The following ADAM12 variants were observed in gnomAD, a reference collection of about 807,000 sequenced individuals.
ADAM12 encodes ADAM metallopeptidase domain 12.
ADAM12 carries 70 observed loss-of-function variants against 106.4 expected under a neutral mutation model. The ratio of observed to expected loss-of-function variants is 0.66; its 90% CI spans 0.54 to 0.80. The LOEUF is 0.80. Ranked by LOEUF, ADAM12 falls within the 30% of genes least tolerant of loss-of-function variation. The probability of loss-of-function intolerance (pLI) is 0.00; values close to 1 mark genes in which losing one functional copy is unlikely to be tolerated. For missense variants in ADAM12, 1,010 were observed against 1,171.9 expected (o/e 0.86, Z 2.02); for synonymous variants, 420 against 433.5 (o/e 0.97, Z 0.39).
chr10:126,337,230 G>T (rs1303787736), intron 1 of ADAM12, among the ~76,000 whole-genome samples: 2 of 152,188 alleles, frequency 1.3e-5, no homozygotes, highest in African/African-American at 4.8e-5. Context: ...CCTTCAGTCT[G>T]CAGCCAAAGG....
chr10:126,079,999 T>G (rs1257976799), intron 11 of ADAM12, among the ~76,000 whole-genome samples: 1 of 152,190 alleles, frequency 6.6e-6, no homozygotes, highest in Admixed American at 6.5e-5. Context: ...TAAACAAACT[T>G]CATATCAGAA....
intron 11 of ADAM12, among the ~76,000 whole-genome samples, chr10:126,087,927 G>A (rs920916485): frequency 1.4e-4 from 22 of 152,192 alleles, no homozygotes; most frequent in Non-Finnish European, 5.9e-5. Flanking sequence ...GGAATTTTCA[G>A]GGAGCGGTCT....
intron 16 of ADAM12, among the ~76,000 whole-genome samples, chr10:126,048,278 C>A (rs1954379998): frequency 2.0e-5 from 3 of 152,136 alleles, no homozygotes; most frequent in South Asian, 4.2e-4. Flanking sequence ...TGCACATGTA[C>A]CCCTGAACCT....
At position 126,064,569 on chromosome 10, in the gene ADAM12, A is replaced by G; in HGVS notation, c.1609+237T>C. 1 of 467,360 alleles carries G rather than the reference A, an allele frequency of 2.1e-6. No homozygotes were observed. The highest frequency in any genetic ancestry group is 3.8e-6 in the Non-Finnish European group (1 of 262,030). The allele number at this position is 467,360 out of a possible 1,614,324, so 29.0% of individuals were successfully genotyped here. ...TAGGTGCTCCTGCAGCTCCTGTTGG[A>G]CCGCACTGAGCTTCTTAAGGCCAGG... On this transcript the variant is annotated intron_variant, in intron 14 of 22. Transcript: ENST00000448723. The surrounding 1 kb of genome is among the most constrained non-coding windows in gnomAD (Gnocchi z 4.4).
intron 4 of ADAM12, among the ~76,000 whole-genome samples, chr10:126,137,310 C>T (rs1288213462): frequency 1.3e-5 from 2 of 151,988 alleles, no homozygotes; most frequent in East Asian, 3.9e-4. Context: ...GTGCCAATTC[C>T]ACACTGTTCC....
At chr10:126,374,489 T>G (rs1425414939) in intron 1 of ADAM12, among the ~76,000 whole-genome samples, 1 of 152,202 alleles carries the variant, frequency 6.6e-6, no homozygotes, top group Non-Finnish European at 1.5e-5. Flanking sequence ...TTTAAAATAT[T>G]ACATTTTAAG....
At chr10:126,232,855 A>C (rs949558360) in intron 3 of ADAM12, among the ~76,000 whole-genome samples, 2 of 152,196 alleles carry the variant, frequency 1.3e-5, no homozygotes, top group African/African-American at 4.8e-5. Flanking sequence ...AGGAATATTA[A>C]AAATATTTAG....
At chr10:126,052,520 T>TA (rs1954529630) in intron 14 of ADAM12, among the ~76,000 whole-genome samples, 1 of 152,244 alleles carries the variant, frequency 6.6e-6, no homozygotes, top group African/African-American at 2.4e-5. Context: ...TGTCAGTTGA[T>TA]ACATTTGTTT....
rs1048647112 is a variant in ADAM12, at chr10:126,155,959, A to G, written c.261-654T>C. ...GGGAGGAAACCCCGTTTATGCTATT[A>G]ATAAAACTGTATGCAGTCTACCAGA... On this transcript the variant is annotated intron_variant, in intron 3 of 22. Transcript: ENST00000448723. Among the ~76,000 whole-genome samples, 9 of 142,702 alleles carry G rather than the reference A, an allele frequency of 6.3e-5. 1 individual carries two copies. The highest frequency in any genetic ancestry group is 1.4e-4 in the Admixed American group (2 of 14,062). The allele number at this position is 142,702 out of a possible 152,430, so 93.6% of individuals were successfully genotyped here.
intron 3 of ADAM12, among the ~76,000 whole-genome samples, chr10:126,161,075 C>A (rs779749315): frequency 8.6e-5 from 13 of 151,770 alleles, no homozygotes; most frequent in Non-Finnish European, 1.5e-4. Flanking sequence ...GGTTTTCTGC[C>A]TGGTATTCCT....
At chr10:126,339,100 C>T (rs989191152) in intron 1 of ADAM12, among the ~76,000 whole-genome samples, 10 of 152,186 alleles carry the variant, frequency 6.6e-5, no homozygotes, top group African/African-American at 2.4e-4. Flanking sequence ...GCCTCCTCCA[C>T]TTGAACATTC....
At chr10:126,139,199 T>C (rs1221559783) in intron 4 of ADAM12, among the ~76,000 whole-genome samples, 3 of 152,194 alleles carry the variant, frequency 2.0e-5, no homozygotes, top group Non-Finnish European at 4.4e-5. Flanking sequence ...CGCTTGCCTA[T>C]TCATGTACAT....
At chr10:126,047,545 GA>G (rs1411034820) in intron 16 of ADAM12, among the ~76,000 whole-genome samples, 5 of 152,106 alleles carry the variant, frequency 3.3e-5, no homozygotes, top group Non-Finnish European at 7.4e-5. Flanking sequence ...TGAGCCCTTG[GA>G]ATTGGAATGT....
At chr10:126,218,466 C>A (rs989180871) in intron 3 of ADAM12, among the ~76,000 whole-genome samples, 2 of 152,186 alleles carry the variant, frequency 1.3e-5, no homozygotes, top group Non-Finnish European at 2.9e-5. Flanking sequence ...ATTGACTTTT[C>A]TGGGCAGACT....
intron 3 of ADAM12, among the ~76,000 whole-genome samples, chr10:126,217,734 A>G (rs571984808): frequency 4.6e-5 from 2 of 43,270 alleles, no homozygotes; most frequent in South Asian, 3.5e-3. Flanking sequence ...GCACTTTGGG[A>G]GGCCAAGGCA....
chr10:126,051,928 G>T (rs1164194930), intron 14 of ADAM12, among the ~76,000 whole-genome samples: 1 of 152,138 alleles, frequency 6.6e-6, no homozygotes, highest in East Asian at 1.9e-4. Flanking sequence ...AAGGCAGGCT[G>T]GTCAAGGAAG....
At chr10:126,126,463 C>A (rs545259887) in intron 5 of ADAM12, among the ~76,000 whole-genome samples, 1 of 152,074 alleles carries the variant, frequency 6.6e-6, no homozygotes, top group East Asian at 1.9e-4. Context: ...TTTTTTAGAA[C>A]CAGCATTGCA....
intron 3 of ADAM12, among the ~76,000 whole-genome samples, chr10:126,269,008 C>T (rs576545410): frequency 1.6e-4 from 25 of 152,076 alleles, no homozygotes; most frequent in East Asian, 5.8e-4. Flanking sequence ...CCCCGAGAAC[C>T]GCTGGTTATC....
chr10:126,370,804 A>C (rs1318255158), intron 1 of ADAM12, among the ~76,000 whole-genome samples: 1 of 152,198 alleles, frequency 6.6e-6, no homozygotes, highest in Non-Finnish European at 1.5e-5. Flanking sequence ...TCAACTGCCT[A>C]GTTCAATCCT....
Sources: allele counts gnomAD v4.1 joint callset (sites outside exome capture counted in the v4.1 genomes callset), GRCh38; gene constraint gnomAD v4.1.1; non-coding constraint Gnocchi (gnomAD v3.1); transcripts MANE v1.5; gene names NCBI Gene and HGNC (gene_info 2026-07-23, HGNC 2026-07-21).